The following WDR3 variants were observed in gnomAD, a reference collection of about 807,000 sequenced individuals.
The protein encoded by WDR3 is WD repeat-containing protein 3.
Under a neutral mutation model 123.7 loss-of-function variants are expected in WDR3, and 81 were observed. That is an observed-to-expected ratio of 0.65 (90% CI 0.55 to 0.79). The LOEUF is 0.79. WDR3 is among the 30% of genes least tolerant of loss of function. The probability of loss-of-function intolerance (pLI) is 0.00; values close to 1 mark genes in which losing one functional copy is unlikely to be tolerated. For missense variants in WDR3, 1,027 were observed against 1,123.2 expected (o/e 0.91, Z 1.22); for synonymous variants, 390 against 388.8 (o/e 1.00, Z -0.04).
chr1:117,933,182 C>T (rs143654190), intron 1 of WDR3, 106 bp from the exon 2 acceptor site: 13,380 of 932,250 alleles, frequency 0.014, 327 homozygotes, highest in South Asian at 0.085. Context: ...CCAGCCTGGG[C>T]AACAGAGTGA....
chr1:117,934,991 A>G (rs529208531), intron 3 of WDR3, among the ~76,000 whole-genome samples: 1 of 152,368 alleles, frequency 6.6e-6, no homozygotes, highest in Admixed American at 6.5e-5. Context: ...CTGGAAAAGA[A>G]GAGACAAAAT....
chr1:117,954,452 TC>T (rs1317390107), intron 22 of WDR3, 127 bp from the exon 23 acceptor site: 1 of 839,100 alleles, frequency 1.2e-6, no homozygotes, highest in African/African-American at 1.7e-5. Context: ...TCTTTTACAC[TC>T]TGTCAGTTTT....
At chr1:117,930,367 A>G (rs1257706088) in intron 1 of WDR3, among the ~76,000 whole-genome samples, 1 of 152,190 alleles carries the variant, frequency 6.6e-6, no homozygotes, top group Non-Finnish European at 1.5e-5. Flanking sequence ...AGAAGATAAT[A>G]TTAGTTAAAA....
Position 117,941,801 on chromosome 1 carries a change from C to T in WDR3, c.943C>T (p.Gln315Ter). The change falls in exon 9 of 27, where the codon CAG becomes TAG. Residue 315 changes from glutamine (Q) to a stop codon, truncating the protein, a stop_gained. Transcript: ENST00000349139. LOFTEE classifies it high-confidence loss of function. ...TTGTATCCTTTCCAAAAAGGAAATTCAGAAGAAAATGGATAAGAAGATGAA... is the reference window on the plus strand; with the variant it reads ...TTGTATCCTTTCCAAAAAGGAAATTTAGAAGAAAATGGATAAGAAGATGAA... ...LFCILSKKEI[Q>*]KKMDKKMKKA... 3.7e-6 allele frequency: 6 copies of T among 1,610,010 alleles called. No homozygotes were observed. The highest frequency in any genetic ancestry group is 5.1e-6 in the Non-Finnish European group (6 of 1,179,100).
At chr1:117,952,111 T>A (rs1407993481) in intron 17 of WDR3, 35 bp downstream of exon 17, 21 of 1,593,038 alleles carry the variant, frequency 1.3e-5, no homozygotes, top group Non-Finnish European at 1.8e-5. Flanking sequence ...TCCCTTTGAG[T>A]CACCTGTAAG....
intron 4 of WDR3, among the ~76,000 whole-genome samples, chr1:117,937,379 A>G (rs184606293): frequency 9.6e-4 from 146 of 152,348 alleles, no homozygotes; most frequent in Non-Finnish European, 1.6e-3. Context: ...GTTCAACCTA[A>G]TATAATAATG....
Position 117,961,709 on chromosome 1 carries a change from CAATCACTG to C in WDR3, c.*2265_*2272del, listed in dbSNP as rs1235920104. ...AGTCTTAATGTTCTTGAGCATAACA[CAATCACTG>C]AAGTGAGTAAGGGATGCAGTGGTGT... On this transcript the variant is annotated 3_prime_UTR_variant, in exon 27 of 27. Coordinates refer to ENST00000349139, the MANE Select transcript of WDR3 (RefSeq NM_006784.3). 2.0e-5 allele frequency: 3 copies of C among 152,040 alleles called. No homozygotes were observed. The East Asian group carries it at 5.8e-4, about 29-fold the overall frequency. The allele number at this position is 152,040 out of a possible 1,614,324, so 9.4% of individuals were successfully genotyped here.
Position 117,934,030 on chromosome 1 carries a change from G to A in WDR3, c.172-443G>A, listed in dbSNP as rs537149621. Among the ~76,000 whole-genome samples, 5 of 152,242 alleles carry A rather than the reference G, an allele frequency of 3.3e-5. No individual in the cohort carries two copies. The East Asian group carries it at 9.7e-4, about 29-fold the overall frequency. On this transcript the variant is annotated intron_variant, in intron 2 of 26. Coordinates refer to ENST00000349139, the MANE Select transcript of WDR3 (RefSeq NM_006784.3). ...GTGATTCCCAAGAGGTTAGTACTTT[G>A]ATTCTTGTTGCCACCAAGAGTCCTT...
Position 117,952,588 on chromosome 1 carries a change from T to C in WDR3, c.2077T>C (p.Ser693Pro), listed in dbSNP as rs1304045276. The change falls in exon 19 of 27, where the codon TCG (serine) becomes CCG (proline). Residue 693 changes from serine (S) to proline (P), a missense_variant. By Grantham distance (74) the Ser-to-Pro change is moderately conservative. Coordinates refer to ENST00000349139, the MANE Select transcript of WDR3 (RefSeq NM_006784.3). ...VSPSGDYVVS[S>P]SHDKSLRLWE... ...CCCCAGTGGAGACTATGTTGTATCA[T>C]CGTCCCATGACAAATCTCTGAGACT... is the stretch of plus-strand genomic sequence containing the variant. The C allele has an allele frequency of 6.2e-7, 1 of 1,613,562 alleles. No individual in the cohort carries two copies. Among genetic ancestry groups the C allele is most frequent in the Non-Finnish European group, 8.5e-7 (1 of 1,179,674 alleles).
chr1:117,944,851 G>A (rs1243328355), intron 11 of WDR3, among the ~76,000 whole-genome samples: 1 of 152,056 alleles, frequency 6.6e-6, no homozygotes, highest in African/African-American at 2.4e-5. Context: ...ACAGGCGTGT[G>A]CCACCACGCC....
At chr1:117,950,237 A>G in intron 15 of WDR3, 107 bp downstream of exon 15, 1 of 1,299,732 alleles carries the variant, frequency 7.7e-7, no homozygotes, top group East Asian at 2.4e-5. Context: ...GCGATAGTAC[A>G]TTTCTAAAAA....
At chr1:117,949,627 G>A (rs932319531) in intron 13 of WDR3, 124 bp from the exon 14 acceptor site, 7 of 1,140,522 alleles carry the variant, frequency 6.1e-6, no homozygotes, top group South Asian at 1.6e-5. Context: ...GGAGAACCAC[G>A]TTTTTCTTAA....
Position 117,959,464 on chromosome 1 carries a change from C to CTTT in WDR3, c.*26_*28dup. 8.2e-7 allele frequency: 1 copy of CTTT among 1,225,124 alleles called. No individual in the cohort carries two copies. Among genetic ancestry groups the CTTT allele is most frequent in the African/African-American group, 1.6e-5 (1 of 63,726 alleles). The allele number at this position is 1,225,124 out of a possible 1,614,324, so 75.9% of individuals were successfully genotyped here. On this transcript the variant is annotated 3_prime_UTR_variant, in exon 27 of 27. Transcript: ENST00000349139. Reference sequence around the variant, plus strand: ...TTGACTTAGAACTGAAATGTGGTATCTTTTTTTTTTTCAACTTTTTCCTTT... The same window carrying CTTT: ...TTGACTTAGAACTGAAATGTGGTATCTTTTTTTTTTTTTTCAACTTTTTCCTTT...
intron 26 of WDR3, 111 bp from the exon 27 acceptor site, chr1:117,959,181 G>A (rs1156766726): frequency 2.8e-6 from 4 of 1,411,228 alleles, no homozygotes; most frequent in Non-Finnish European, 2.9e-6. Flanking sequence ...TTCTTAATGA[G>A]GGAAAGATAA....
At chr1:117,953,807 A>G (rs763317112) in intron 21 of WDR3, 200 bp from the exon 22 acceptor site, 2 of 605,674 alleles carry the variant, frequency 3.3e-6, no homozygotes, top group Non-Finnish European at 5.7e-6. Context: ...AGTCCATGAC[A>G]CTCAGTCTCT....
At position 117,959,307 on chromosome 1, in the gene WDR3, A is replaced by T; in HGVS notation, c.2692A>T (p.Asn898Tyr). The T allele has an allele frequency of 6.2e-7, 1 of 1,611,722 alleles. No homozygotes were observed. The highest frequency in any genetic ancestry group is 8.5e-7 in the Non-Finnish European group (1 of 1,179,434). Residue 898 changes from asparagine (N) to tyrosine (Y), a missense_variant, in exon 27 of 27, where the codon AAT becomes TAT. Asn to Tyr is a moderately radical substitution (Grantham distance 143, BLOSUM62 -2). Coordinates refer to ENST00000349139, the MANE Select transcript of WDR3 (RefSeq NM_006784.3). ...TGCACTCCAGGATGTTATCGGCTTC[A>T]ATATGGCTGGTCTTGATTATCTCAA... Reference protein sequence around the residue: ...VSQVRDVIGFNMAGLDYLKRE... With the variant: ...VSQVRDVIGFYMAGLDYLKRE...
chr1:117,930,135 G>T (rs916548236), intron 1 of WDR3, among the ~76,000 whole-genome samples: 6 of 152,362 alleles, frequency 3.9e-5, no homozygotes, highest in African/African-American at 1.4e-4. Flanking sequence ...CACGGTCCAG[G>T]CCTTCAGTGC....
chr1:117,943,497 C>CAA lies in WDR3; in HGVS notation c.1199_1200insAA (p.Pro401IlefsTer53). ...TATTCACTGAATCCATCCTTGCCTA[C>CAA]TCCTCAGCCTGTCAGGACAAGCAGA... On this transcript the variant is annotated frameshift_variant, in exon 11 of 27. Coordinates refer to ENST00000349139, the MANE Select transcript of WDR3 (RefSeq NM_006784.3). LOFTEE classifies it high-confidence loss of function. 2 of 1,614,116 alleles carry CAA rather than the reference C, an allele frequency of 1.2e-6. No homozygotes were observed. Among genetic ancestry groups the CAA allele is most frequent in the Non-Finnish European group, 1.7e-6 (2 of 1,180,028 alleles).
chr1:117,960,421 A>G lies in WDR3; in HGVS notation c.*974A>G, dbSNP rs1392476338. The G allele has an allele frequency of 1.3e-5, 2 of 152,220 alleles. No homozygotes were observed. Among genetic ancestry groups the G allele is most frequent in the African/African-American group, 4.8e-5 (2 of 41,462 alleles). The allele number at this position is 152,220 out of a possible 1,614,324, so 9.4% of individuals were successfully genotyped here. The stretch of plus-strand genomic sequence containing the variant: ...AGAAAATATATTTACTGTGTTTATC[A>G]ATACTATAAGTGTATGTCATCTGTT... On this transcript the variant is annotated 3_prime_UTR_variant, in exon 27 of 27. Transcript: ENST00000349139.
Sources: allele counts gnomAD v4.1 joint callset (sites outside exome capture counted in the v4.1 genomes callset), GRCh38; gene constraint gnomAD v4.1.1; transcripts MANE v1.5; gene names NCBI Gene and HGNC (gene_info 2026-07-23, HGNC 2026-07-21).